The following GABRB1 variants were observed in gnomAD, a reference collection of about 807,000 sequenced individuals.
GABRB1 encodes gamma-aminobutyric acid receptor subunit beta-1.
A neutral mutation model predicts 51.6 loss-of-function variants in GABRB1; 17 were observed. The observed-to-expected ratio is 0.33, with a 90% CI of 0.23 to 0.49. The LOEUF is 0.49. GABRB1 is among the 20% of genes least tolerant of loss of function. The probability of loss-of-function intolerance (pLI) is 0.99; values close to 1 mark genes in which losing one functional copy is unlikely to be tolerated. For missense variants in GABRB1, 410 were observed against 600.6 expected (o/e 0.68, Z 3.32); for synonymous variants, 247 against 218.9 (o/e 1.13, Z -1.14).
intron 3 of GABRB1, among the ~76,000 whole-genome samples, chr4:47,120,108 A>C (rs1715703987): frequency 6.6e-6 from 1 of 152,182 alleles, no homozygotes; most frequent in Non-Finnish European, 1.5e-5. Flanking sequence ...AAAAACTATA[A>C]AAAGAGACAA....
chr4:47,062,664 C>A lies in GABRB1; in HGVS notation c.240+30180C>A, dbSNP rs185061709. ...ATAGCCTTCTAATTCTCATCAAAAT[C>A]TTAATAGTGGAAAGAAAACTGTTCT... On this transcript the variant is annotated intron_variant, in intron 3 of 8. Transcript: ENST00000295454. Among the ~76,000 whole-genome samples, 5 of 152,158 alleles carry A rather than the reference C, an allele frequency of 3.3e-5. No homozygotes were observed. The East Asian group carries it at 9.7e-4, about 29-fold the overall frequency.
At chr4:47,385,107 A>G (rs916725337) in intron 5 of GABRB1, among the ~76,000 whole-genome samples, 2 of 152,198 alleles carry the variant, frequency 1.3e-5, no homozygotes, top group Non-Finnish European at 2.9e-5. Flanking sequence ...AGAGGTTTCA[A>G]TCTTCCTTTT....
intron 1 of GABRB1, among the ~76,000 whole-genome samples, chr4:47,012,785 A>G (rs1296912175): frequency 1.3e-5 from 2 of 152,176 alleles, no homozygotes; most frequent in Non-Finnish European, 2.9e-5. Context: ...GAGAGAAAGG[A>G]AAAGGAGAGA....
intron 4 of GABRB1, among the ~76,000 whole-genome samples, chr4:47,304,347 A>C (rs28584788): frequency 0.58 from 87,836 of 151,784 alleles, 25,488 homozygotes; most frequent in East Asian, 0.69. Flanking sequence ...GATATGAGGT[A>C]ATATTTTGAT....
intron 3 of GABRB1, among the ~76,000 whole-genome samples, chr4:47,060,549 T>C (rs913277488): frequency 6.6e-6 from 1 of 152,180 alleles, no homozygotes; most frequent in African/African-American, 2.4e-5. Flanking sequence ...ATTATAAAGA[T>C]AGTTTGCAGT....
intron 8 of GABRB1, among the ~76,000 whole-genome samples, chr4:47,407,217 T>C (rs913622859): frequency 6.6e-6 from 1 of 152,200 alleles, no homozygotes; most frequent in Non-Finnish European, 1.5e-5. Flanking sequence ...GGTAAATAAA[T>C]GAGAGAACTA....
chr4:47,159,509 A>AT (rs5858056), intron 3 of GABRB1, among the ~76,000 whole-genome samples: 7 of 148,828 alleles, frequency 4.7e-5, no homozygotes, highest in South Asian at 2.1e-4. Context: ...CCTGAGGGTT[A>AT]TTTTTTTTTT....
chr4:47,030,871 G>A (rs1223122498), upstream of GABRB1, among the ~76,000 whole-genome samples: 5 of 151,984 alleles, frequency 3.3e-5, no homozygotes, highest in Non-Finnish European at 7.4e-5. Context: ...TAGAAAAAAA[G>A]ATTGCCTGCC....
intron 4 of GABRB1, among the ~76,000 whole-genome samples, chr4:47,182,014 G>T (rs1718970181): frequency 6.6e-6 from 1 of 151,988 alleles, no homozygotes; most frequent in Non-Finnish European, 1.5e-5. Flanking sequence ...TAGTGTTGTG[G>T]CCCCAGCCAG....
At chr4:47,045,911 G>A (rs1324712849) in intron 3 of GABRB1, among the ~76,000 whole-genome samples, 1 of 152,068 alleles carries the variant, frequency 6.6e-6, no homozygotes, top group South Asian at 2.1e-4. Flanking sequence ...GCTTAATATG[G>A]TTTGGCTCTG....
At chr4:47,134,837 T>A (rs772444252) in intron 3 of GABRB1, among the ~76,000 whole-genome samples, 79 of 152,100 alleles carry the variant, frequency 5.2e-4, no homozygotes, top group Non-Finnish European at 1.0e-3. Context: ...AATGAGTAGG[T>A]TGGGCACAAT....
chr4:47,070,998 C>T (rs1488920029), intron 3 of GABRB1, among the ~76,000 whole-genome samples: 1 of 152,172 alleles, frequency 6.6e-6, no homozygotes, highest in East Asian at 1.9e-4. Context: ...TTCCCAGCCG[C>T]TACTGTGACC....
At position 47,186,398 on chromosome 4, in the gene GABRB1, T is replaced by G. The variant is rs1015201838; in HGVS notation, c.461+24929T>G. 2.0e-5 allele frequency among the ~76,000 whole-genome samples: 3 copies of G among 151,944 alleles called. No homozygotes were observed. In the East Asian group the frequency reaches 5.8e-4, roughly 29 times the overall value. On this transcript the variant is annotated intron_variant, in intron 4 of 8. Transcript: ENST00000295454. ...CCCTATTTGTAATTTTTAGTTTGGC[T>G]AAAATTAGGAAGATTGGTGTAAACA... is the stretch of plus-strand genomic sequence containing the variant.
chr4:47,326,667 C>T (rs1297578397), intron 5 of GABRB1, among the ~76,000 whole-genome samples: 1 of 152,086 alleles, frequency 6.6e-6, no homozygotes, highest in African/African-American at 2.4e-5. Context: ...CTACCTTGCC[C>T]CTTCCACCAT....
At chr4:47,039,915 G>C (rs1296898526) in intron 3 of GABRB1, among the ~76,000 whole-genome samples, 1 of 152,104 alleles carries the variant, frequency 6.6e-6, no homozygotes, top group Non-Finnish European at 1.5e-5. Context: ...GTAAAAAGGA[G>C]CCTTTCTATA....
chr4:47,090,664 A>G (rs1728253677), intron 3 of GABRB1, among the ~76,000 whole-genome samples: 1 of 152,210 alleles, frequency 6.6e-6, no homozygotes, highest in Non-Finnish European at 1.5e-5. Flanking sequence ...GAAATAAAAA[A>G]CAGCTTTACC....
chr4:47,074,461 G>A (rs1428041742), intron 3 of GABRB1, among the ~76,000 whole-genome samples: 1 of 152,178 alleles, frequency 6.6e-6, no homozygotes, highest in Non-Finnish European at 1.5e-5. Context: ...TGGCACAGAA[G>A]TGGGAGGCAG....
chr4:47,305,581 T>C (rs1412595277), intron 4 of GABRB1, among the ~76,000 whole-genome samples: 2 of 152,102 alleles, frequency 1.3e-5, no homozygotes, highest in African/African-American at 4.8e-5. Flanking sequence ...TTACCATCTG[T>C]TCAGGTGGAA....
chr4:47,265,077 A>C (rs904161501), intron 4 of GABRB1, among the ~76,000 whole-genome samples: 2 of 152,138 alleles, frequency 1.3e-5, no homozygotes, highest in African/African-American at 4.8e-5. Context: ...ATAGTGGTAA[A>C]GTCTGGCCTT....
Sources: allele counts gnomAD v4.1 joint callset (sites outside exome capture counted in the v4.1 genomes callset), GRCh38; gene constraint gnomAD v4.1.1; transcripts MANE v1.5; gene names NCBI Gene and HGNC (gene_info 2026-07-23, HGNC 2026-07-21).